Variants in FARS2 observed in about 807,000 individuals in gnomAD.
FARS2 encodes the protein phenylalanyl-tRNA synthetase 2, mitochondrial, also known as phenylalanine--tRNA ligase, mitochondrial.
A neutral mutation model predicts 46.4 loss-of-function variants in FARS2; 40 were observed. The ratio of observed to expected loss-of-function variants is 0.86; its 90% CI spans 0.67 to 1.12. The LOEUF (loss-of-function observed/expected upper bound fraction) is 1.12. Ranked by LOEUF, FARS2 falls within the 50% of genes most tolerant of loss-of-function variation. The pLI is 0.00. For missense variants in FARS2, 513 were observed against 567.9 expected, an observed-to-expected ratio of 0.90 and a Z score of 0.98; for synonymous variants, 234 against 214.9, an observed-to-expected ratio of 1.09 and a Z score of -0.78.
the FARS2 span, among the ~76,000 whole-genome samples, chr6:5,250,633 A>T: frequency 0.31 from 47,151 of 152,100 alleles, 9,789 homozygotes; most frequent in African/African-American, 0.59. Context: ...TTGCCTGTGG[A>T]GCATTGTTGA....
chr6:5,668,094 A>T (rs1778236815), intron 6 of FARS2: 1 of 152,218 alleles, frequency 6.6e-6, no homozygotes, highest in Admixed American at 6.5e-5. Flanking sequence ...GTCTGTGTAC[A>T]CCGACAATAA....
At chr6:5,542,666 G>A (rs1454614609) in intron 4 of FARS2, among the ~76,000 whole-genome samples, 3 of 152,186 alleles carry the variant, frequency 2.0e-5, no homozygotes, top group Non-Finnish European at 4.4e-5. Flanking sequence ...ATGGCCCCCA[G>A]TTGAGAAATA....
intron 6 of FARS2, among the ~76,000 whole-genome samples, chr6:5,749,316 C>T (rs1253220709): frequency 2.0e-5 from 3 of 152,230 alleles, no homozygotes; most frequent in African/African-American, 7.2e-5. Flanking sequence ...GCATTTTCAG[C>T]AGGGTGTGAC....
At chr6:5,288,529 A>G (rs1767284942) in intron 1 of FARS2, among the ~76,000 whole-genome samples, 1 of 152,132 alleles carries the variant, frequency 6.6e-6, no homozygotes, top group African/African-American at 2.4e-5. Context: ...ATACTTTCTA[A>G]TGCTACTGAG....
chr6:5,330,960 G>T (rs563123070), intron 1 of FARS2, among the ~76,000 whole-genome samples: 1 of 152,088 alleles, frequency 6.6e-6, no homozygotes, highest in East Asian at 1.9e-4. Flanking sequence ...CCCAAAATTA[G>T]CCAGGTGCGG....
intron 1 of FARS2, among the ~76,000 whole-genome samples, chr6:5,305,703 T>C (rs1768650410): frequency 6.6e-6 from 1 of 152,214 alleles, no homozygotes; most frequent in African/African-American, 2.4e-5. Flanking sequence ...TGTCCTTTCC[T>C]CTACACCTTG....
chr6:5,744,115 C>T (rs1290476630), intron 6 of FARS2, among the ~76,000 whole-genome samples: 2 of 152,114 alleles, frequency 1.3e-5, no homozygotes, highest in Admixed American at 6.5e-5. Context: ...GGAAGGTGTG[C>T]GAGATCTGAG....
At chr6:5,725,806 ACACCT>A (rs1400823729) in intron 6 of FARS2, among the ~76,000 whole-genome samples, 1 of 152,146 alleles carries the variant, frequency 6.6e-6, no homozygotes, top group East Asian at 1.9e-4. Context: ...CGTGGCGCGC[ACACCT>A]GTAATCCCAG....
At chr6:5,411,648 T>G (rs1007627811) in intron 3 of FARS2, among the ~76,000 whole-genome samples, 1 of 152,236 alleles carries the variant, frequency 6.6e-6, no homozygotes, top group Non-Finnish European at 1.5e-5. Context: ...CACTATTTCC[T>G]TGTGGCAGTA....
chr6:5,457,584 C>G (rs1764972863), intron 4 of FARS2, among the ~76,000 whole-genome samples: 1 of 152,182 alleles, frequency 6.6e-6, no homozygotes, highest in Admixed American at 6.5e-5. Context: ...TAGGTCTGAG[C>G]TCTTTGATAG....
intron 6 of FARS2, among the ~76,000 whole-genome samples, chr6:5,637,382 C>T (rs1776595045): frequency 6.6e-6 from 1 of 152,212 alleles, no homozygotes; most frequent in African/African-American, 2.4e-5. Context: ...CACGCCTGGG[C>T]ATCACTACGC....
intron 2 of FARS2, among the ~76,000 whole-genome samples, chr6:5,372,329 C>CAT (rs1477663878): frequency 6.6e-6 from 1 of 152,010 alleles, no homozygotes; most frequent in Non-Finnish European, 1.5e-5. Context: ...TAGCCATAAA[C>CAT]ATATATATAC....
At position 5,404,726 on chromosome 6, in the gene FARS2, G is replaced by A. The variant is rs114630373; in HGVS notation, c.772+25G>A. On this transcript the variant is annotated intron_variant, in intron 3 of 6. Transcript: ENST00000274680. The stretch of plus-strand genomic sequence containing the variant: ...GGTAAGTGCTCAAACACAGGTTGAC[G>A]ATCTCTTATCTGAAATACTTGGGAC... 1,158 of 1,491,546 alleles carry A rather than the reference G, an allele frequency of 7.8e-4. 4 individuals are homozygous for A. The African/African-American group carries it at 0.015, about 19-fold the overall frequency. The allele number at this position is 1,491,546 out of a possible 1,614,324, so 92.4% of individuals were successfully genotyped here.
chr6:5,671,266 A>G (rs1778441794), intron 6 of FARS2, among the ~76,000 whole-genome samples: 2 of 152,228 alleles, frequency 1.3e-5, no homozygotes, highest in Admixed American at 6.5e-5. Flanking sequence ...ATGAGGCTTC[A>G]TGGCCGAGCT....
At chr6:5,544,665 A>C (rs893081247) in intron 4 of FARS2, among the ~76,000 whole-genome samples, 5 of 152,194 alleles carry the variant, frequency 3.3e-5, no homozygotes, top group Admixed American at 6.5e-5. Flanking sequence ...TGGTAAGAAT[A>C]AGCATTATGG....
chr6:5,404,753 G>T, intron 3 of FARS2, 52 bp downstream of exon 3: 5 of 1,104,074 alleles, frequency 4.5e-6, no homozygotes, highest in Non-Finnish European at 6.2e-6. Flanking sequence ...ACTTGGGACA[G>T]AAGTGTTTTG....
chr6:5,373,217 C>T (rs1759167252), intron 2 of FARS2, among the ~76,000 whole-genome samples: 2 of 152,108 alleles, frequency 1.3e-5, no homozygotes, highest in Admixed American at 6.6e-5. Flanking sequence ...ACGGGAGAGA[C>T]TTTGGCTCAA....
intron 1 of FARS2, among the ~76,000 whole-genome samples, chr6:5,342,307 G>A (rs1045934921): frequency 4.6e-5 from 7 of 152,166 alleles, no homozygotes; most frequent in Non-Finnish European, 4.4e-5. Context: ...ACTTTGCTAA[G>A]CAGTGTTTAT....
At chr6:5,564,406 T>C (rs1383677355) in intron 5 of FARS2, among the ~76,000 whole-genome samples, 8 of 152,232 alleles carry the variant, frequency 5.3e-5, no homozygotes, top group Admixed American at 6.5e-5. Context: ...CACATTTTTA[T>C]GTTACCCATC....
Sources: gnomAD v4.1 joint callset for allele counts (sites outside exome capture counted in the v4.1 genomes callset) on GRCh38, gnomAD v4.1.1 for gene constraint, MANE v1.5 for transcripts, NCBI Gene and HGNC (gene_info 2026-07-23, HGNC 2026-07-21) for gene names.